SPSB4: variants seen among roughly 807,000 people sequenced by gnomAD.
SPSB4 encodes SPRY domain-containing SOCS box protein 4.
A neutral mutation model predicts 20.9 loss-of-function variants in SPSB4; 21 were observed. That is an observed-to-expected ratio of 1.01 (90% CI 0.71 to 1.45). The LOEUF (loss-of-function observed/expected upper bound fraction) is 1.45. SPSB4 is among the 40% of genes most tolerant of loss of function. The pLI is 0.00. For synonymous variants in SPSB4, 207 were observed against 183.8 expected (o/e 1.13, Z -1.02); for missense variants, 399 against 399.2 (o/e 1.00, Z 0.00).
At chr3:141,093,347 G>C (rs6780365) in intron 2 of SPSB4, among the ~76,000 whole-genome samples, 40,982 of 151,576 alleles carry the variant, frequency 0.27, 7,730 homozygotes, top group African/African-American at 0.53. Context: ...ATCTTCCCAG[G>C]AAATCTGCAG....
chr3:141,112,814 G>C (rs2107798861), intron 2 of SPSB4, among the ~76,000 whole-genome samples: 1 of 152,226 alleles, frequency 6.6e-6, no homozygotes, highest in South Asian at 2.1e-4. Context: ...GCATGGGGCA[G>C]CAGAGCCCAT....
At chr3:141,137,350 G>A (rs1939247060) in intron 2 of SPSB4, among the ~76,000 whole-genome samples, 2 of 152,104 alleles carry the variant, frequency 1.3e-5, no homozygotes, top group South Asian at 4.1e-4. Flanking sequence ...TGATTGCCCT[G>A]TCCAGAACTT....
chr3:141,116,347 C>A (rs139006813), intron 2 of SPSB4, among the ~76,000 whole-genome samples: 1 of 152,244 alleles, frequency 6.6e-6, no homozygotes. Context: ...TGCTGCCCCC[C>A]ACTAGGCAGG....
chr3:141,062,349 G>A (rs927954124), intron 1 of SPSB4, among the ~76,000 whole-genome samples: 1 of 151,616 alleles, frequency 6.6e-6, no homozygotes, highest in Admixed American at 6.6e-5. Context: ...AATATAATAT[G>A]ATACATTACA....
chr3:141,072,433 T>C (rs1938025377), intron 2 of SPSB4, among the ~76,000 whole-genome samples: 1 of 152,170 alleles, frequency 6.6e-6, no homozygotes, highest in Non-Finnish European at 1.5e-5. Flanking sequence ...AGATACATCA[T>C]GAATGGCTTG....
intron 1 of SPSB4, among the ~76,000 whole-genome samples, chr3:141,055,652 G>A (rs1937623267): frequency 6.6e-6 from 1 of 152,210 alleles, no homozygotes; most frequent in African/African-American, 2.4e-5. Context: ...AAGCTGACGG[G>A]GTTGAGTGGT....
At chr3:141,103,861 C>G (rs1938649646) in intron 2 of SPSB4, among the ~76,000 whole-genome samples, 1 of 151,438 alleles carries the variant, frequency 6.6e-6, no homozygotes, top group African/African-American at 2.4e-5. Context: ...AATTCTGAAT[C>G]CTCCAGAATG....
intron 1 of SPSB4, 51 bp from the exon 2 acceptor site, chr3:141,065,901 A>G (rs901889781): frequency 3.9e-6 from 2 of 515,522 alleles, no homozygotes; most frequent in African/African-American, 2.0e-5. Flanking sequence ...AGGGATTGGC[A>G]ACTGGCTGCT....
intron 2 of SPSB4, among the ~76,000 whole-genome samples, chr3:141,138,940 A>C (rs1439432849): frequency 6.6e-6 from 1 of 152,118 alleles, no homozygotes; most frequent in Non-Finnish European, 1.5e-5. Flanking sequence ...TGGGGTGTTA[A>C]AGTCTCCCAT....
Position 141,066,521 on chromosome 3 carries a change from G to A in SPSB4, c.417G>A (p.Ser139=), listed in dbSNP as rs774364610. Residue 139 remains serine, a synonymous_variant, in exon 2 of 3, where the codon TCG becomes TCA. Coordinates refer to ENST00000310546, the MANE Select transcript of SPSB4 (RefSeq NM_080862.3). ...CGCTGGTAGGCAGTGACGCCGAGTC[G>A]TGGGGCTGGGACCTGGGCCGCAGCC... ...YTALVGSDAE[S]WGWDLGRSRL... 12 of 1,508,364 alleles carry A rather than the reference G, an allele frequency of 8.0e-6. No individual in the cohort carries two copies. The highest frequency in any genetic ancestry group is 5.2e-5 in the South Asian group (4 of 76,404). The allele number at this position is 1,508,364 out of a possible 1,614,324, so 93.4% of individuals were successfully genotyped here. A position where few individuals can be genotyped will look rare whatever the true frequency, so the allele number is the denominator to read the frequency against.
At chr3:141,072,592 T>C (rs186737556) in intron 2 of SPSB4, among the ~76,000 whole-genome samples, 1 of 152,304 alleles carries the variant, frequency 6.6e-6, no homozygotes, top group Admixed American at 6.5e-5. Flanking sequence ...AAAAGCTTCC[T>C]GAGGCCCTCA....
chr3:141,147,338 C>T lies in SPSB4; in HGVS notation c.*69C>T. 1 of 1,598,230 alleles carries T rather than the reference C, an allele frequency of 6.3e-7. No individual in the cohort carries two copies. Among genetic ancestry groups the T allele is most frequent in the South Asian group, 1.1e-5 (1 of 89,780 alleles). ...GCCCGACCCTCCTGTCATTCACAGTCCCATGGCACATAGGGGAAAGGATCT... is the reference window on the plus strand; with the variant it reads ...GCCCGACCCTCCTGTCATTCACAGTTCCATGGCACATAGGGGAAAGGATCT... On this transcript the variant is annotated 3_prime_UTR_variant, in exon 3 of 3. Coordinates refer to ENST00000310546, the MANE Select transcript of SPSB4 (RefSeq NM_080862.3).
intron 1 of SPSB4, among the ~76,000 whole-genome samples, chr3:141,062,521 A>G (rs1042852251): frequency 1.3e-5 from 2 of 152,146 alleles, no homozygotes; most frequent in African/African-American, 4.8e-5. Flanking sequence ...TATATCAGCC[A>G]TGATTTCCTC....
rs183599932 is a variant in SPSB4 at position 141,062,450 on chromosome 3, A to G, written c.-153-3502A>G. 9.9e-5 allele frequency among the ~76,000 whole-genome samples: 15 copies of G among 152,030 alleles called. No homozygotes were observed. The East Asian group carries it at 2.9e-3, about 29-fold the overall frequency. On this transcript the variant is annotated intron_variant, in intron 1 of 2. Coordinates refer to ENST00000310546, the MANE Select transcript of SPSB4 (RefSeq NM_080862.3). ...AGAACCATCTCTTTAGTTTTTGCTT[A>G]GTTCTATTATTTCCCTATTTTATTA...
chr3:141,093,124 G>T (rs1938487023), intron 2 of SPSB4, among the ~76,000 whole-genome samples: 1 of 151,790 alleles, frequency 6.6e-6, no homozygotes, highest in South Asian at 2.1e-4. Flanking sequence ...GGGAAGAGGT[G>T]GTGGAAGATG....
At chr3:141,143,604 C>G (rs1488359813) in intron 2 of SPSB4, among the ~76,000 whole-genome samples, 1 of 152,210 alleles carries the variant, frequency 6.6e-6, no homozygotes, top group Non-Finnish European at 1.5e-5. Context: ...GTTATGCTAG[C>G]AGTGAGATTG....
chr3:141,081,903 A>T (rs1938240177), intron 2 of SPSB4, among the ~76,000 whole-genome samples: 1 of 152,118 alleles, frequency 6.6e-6, no homozygotes, highest in Admixed American at 6.5e-5. Context: ...TTGTAATCCT[A>T]GACTGTCCTC....
intron 2 of SPSB4, among the ~76,000 whole-genome samples, chr3:141,119,836 A>G (rs1938935215): frequency 2.0e-5 from 3 of 151,642 alleles, no homozygotes. Context: ...CAGTCTATGT[A>G]TTTTGTTGAT....
intron 2 of SPSB4, among the ~76,000 whole-genome samples, chr3:141,104,014 G>A (rs1938651722): frequency 6.6e-6 from 1 of 152,160 alleles, no homozygotes; most frequent in Non-Finnish European, 1.5e-5. Context: ...TGTTGAGAAA[G>A]CTTTCCCCAA....
Sources: gnomAD v4.1 joint callset for allele counts (sites outside exome capture counted in the v4.1 genomes callset) on GRCh38, gnomAD v4.1.1 for gene constraint, MANE v1.5 for transcripts, NCBI Gene and HGNC (gene_info 2026-07-23, HGNC 2026-07-21) for gene names.